The following ABCB1 variants were observed in gnomAD, a reference collection of about 807,000 sequenced individuals.
The protein encoded by ABCB1 is ATP-dependent translocase ABCB1.
ABCB1 carries 69 observed loss-of-function variants against 142.0 expected under a neutral mutation model. The observed-to-expected ratio is 0.49, with a 90% CI of 0.40 to 0.59. The LOEUF (loss-of-function observed/expected upper bound fraction) is 0.59, where lower values mean the gene tolerates loss of function less well. ABCB1 is among the 20% of genes least tolerant of loss of function. The probability of loss-of-function intolerance (pLI) is 0.00; values close to 1 mark genes in which losing one functional copy is unlikely to be tolerated. For synonymous variants in ABCB1, 532 were observed against 539.2 expected (o/e 0.99, Z 0.18); for missense variants, 1,326 against 1,554.7 (o/e 0.85, Z 2.47).
At chr7:87,569,700 G>T (rs895972852) in intron 5 of ABCB1, among the ~76,000 whole-genome samples, 2 of 151,854 alleles carry the variant, frequency 1.3e-5, no homozygotes, top group Non-Finnish European at 2.9e-5. Flanking sequence ...TTGTGGGGGG[G>T]TGTGGGGGAC....
intron 1 of ABCB1, among the ~76,000 whole-genome samples, chr7:87,648,445 G>A (rs1584997272): frequency 1.3e-5 from 2 of 151,978 alleles, no homozygotes; most frequent in East Asian, 3.9e-4. Flanking sequence ...ACATTAAAGG[G>A]CTTCTCAGAG....
chr7:87,702,477 T>C (rs1213757113), intron 1 of ABCB1, among the ~76,000 whole-genome samples: 1 of 151,990 alleles, frequency 6.6e-6, no homozygotes, highest in Non-Finnish European at 1.5e-5. Flanking sequence ...ATAATATCTC[T>C]CTTTGTTGCC....
At chr7:87,587,748 G>T (rs960501088) in intron 3 of ABCB1, among the ~76,000 whole-genome samples, 1 of 151,816 alleles carries the variant, frequency 6.6e-6, no homozygotes, top group African/African-American at 2.4e-5. Flanking sequence ...GGTGGCAGGC[G>T]CCTGTAATCC....
chr7:87,598,700 A>G (rs1171450415), intron 2 of ABCB1, among the ~76,000 whole-genome samples: 1 of 152,182 alleles, frequency 6.6e-6, no homozygotes. Context: ...TTAAGCATTC[A>G]GCAGTAGCAT....
chr7:87,692,433 G>C lies in ABCB1; in HGVS notation c.-331+20728C>G, dbSNP rs376596376. On this transcript the variant is annotated intron_variant, in intron 1 of 28. Transcript: ENST00000265724. ...GAATGCATCACTGAGCTCCAGCCAG[G>C]GTGACAAAGTGAGAACCTGTCTCTT... Among the ~76,000 whole-genome samples the C allele has an allele frequency of 1.2e-4, 19 of 152,158 alleles. No homozygotes were observed. The East Asian group carries it at 2.9e-3, about 23-fold the overall frequency.
intron 1 of ABCB1, among the ~76,000 whole-genome samples, chr7:87,661,517 G>A (rs1157034446): frequency 6.6e-6 from 1 of 151,564 alleles, no homozygotes; most frequent in Non-Finnish European, 1.5e-5. Flanking sequence ...GAAAATGAGC[G>A]AAGTTTGTCT....
At chr7:87,566,290 A>C in intron 6 of ABCB1, 49 bp from the exon 7 acceptor site, 1 of 1,583,042 alleles carries the variant, frequency 6.3e-7, no homozygotes, top group Non-Finnish European at 8.7e-7. Context: ...TGTAAACATC[A>C]ACTTTTCTCG....
rs1319884327 is a variant in ABCB1 at position 87,541,467 on chromosome 7, G to A, written c.2212-3C>T. 3 of 1,578,064 alleles carry A rather than the reference G, an allele frequency of 1.9e-6. No homozygotes were observed. The Admixed American group carries it at 5.0e-5, about 26-fold the overall frequency. ...GGATCATCAATTCTTGTAAAAACCT[G>A]TGAGAAAACATTTAAAGGATTTTTA... is the stretch of plus-strand genomic sequence containing the variant. On this transcript the variant is annotated splice_region_variant and splice_polypyrimidine_tract_variant and intron_variant, in intron 17 of 27. Transcript: ENST00000622132.
chr7:87,699,556 C>T (rs2011164), intron 1 of ABCB1, among the ~76,000 whole-genome samples: 1 of 152,134 alleles, frequency 6.6e-6, no homozygotes, highest in East Asian at 1.9e-4. Context: ...TGGGCATACA[C>T]CACCATGCCC....
chr7:87,527,428 C>G (rs746608615), intron 21 of ABCB1, among the ~76,000 whole-genome samples: 17 of 152,058 alleles, frequency 1.1e-4, no homozygotes, highest in African/African-American at 2.2e-4. Flanking sequence ...GTTTTGTTTT[C>G]TTTTACAATG....
chr7:87,636,054 T>C (rs1339095266), intron 1 of ABCB1, among the ~76,000 whole-genome samples: 1 of 152,218 alleles, frequency 6.6e-6, no homozygotes, highest in African/African-American at 2.4e-5. Flanking sequence ...TTCATTCATA[T>C]TTATTTTTGT....
chr7:87,708,146 A>G (rs1163707749), intron 1 of ABCB1, among the ~76,000 whole-genome samples: 2 of 152,158 alleles, frequency 1.3e-5, no homozygotes, highest in Non-Finnish European at 2.9e-5. Context: ...AAGGAAAGAA[A>G]TAACAGTAAA....
intron 1 of ABCB1, chr7:87,694,133 G>A: frequency 1.5e-6 from 1 of 646,210 alleles, no homozygotes; most frequent in Non-Finnish European, 1.9e-6. Context: ...GCACAAGTAT[G>A]CTTATGCTAA....
chr7:87,696,190 C>A (rs937924622), intron 1 of ABCB1, among the ~76,000 whole-genome samples: 1 of 152,116 alleles, frequency 6.6e-6, no homozygotes, highest in Non-Finnish European at 1.5e-5. Context: ...CTGTTAATGA[C>A]AGCATATCTC....
At chr7:87,689,938 A>T (rs1056655800) in intron 1 of ABCB1, among the ~76,000 whole-genome samples, 1 of 152,172 alleles carries the variant, frequency 6.6e-6, no homozygotes, top group African/African-American at 2.4e-5. Context: ...TGTTTGCACT[A>T]TATTTTTACT....
intron 3 of ABCB1, among the ~76,000 whole-genome samples, chr7:87,590,816 G>A (rs1160596415): frequency 6.6e-6 from 1 of 152,168 alleles, no homozygotes; most frequent in Non-Finnish European, 1.5e-5. Flanking sequence ...AGCATTTAAT[G>A]GTTTTAAGGT....
In ABCB1 at chr7:87,570,057, A is replaced by G. The variant is rs2235017; in HGVS notation, c.338+115T>C. The G allele has an allele frequency of 5.8e-3, 5,337 of 923,374 alleles. 23 individuals carry two copies. The highest frequency in any genetic ancestry group is 7.8e-3 in the Non-Finnish European group (4,429 of 571,168). The allele number at this position is 923,374 out of a possible 1,614,324, so 57.2% of individuals were successfully genotyped here. A position where few individuals can be genotyped will look rare whatever the true frequency, so the allele number is the denominator to read the frequency against. On this transcript the variant is annotated intron_variant, in intron 5 of 27. Coordinates refer to ENST00000622132, the MANE Select transcript of ABCB1 (RefSeq NM_001348946.2). ...GTCTACATATACTCTTCTAAAAACT[A>G]TCAAGAGTATTGTTCTCCTTAAAAT...
intron 1 of ABCB1, among the ~76,000 whole-genome samples, chr7:87,689,558 TATTA>T (rs1411791379): frequency 2.0e-5 from 3 of 152,184 alleles, no homozygotes; most frequent in Non-Finnish European, 2.9e-5. Flanking sequence ...ATTAGCTAAT[TATTA>T]ATTAGCTAAT....
Position 87,544,129 on chromosome 7 carries a change from C to T in ABCB1, c.2211G>A (p.Gly737=), listed in dbSNP as rs201810761. 6.2e-7 allele frequency: 1 copy of T among 1,613,816 alleles called. No individual in the cohort carries two copies. Among genetic ancestry groups the T allele is most frequent in the Admixed American group, 1.7e-5 (1 of 60,014 alleles). Residue 737 remains glycine (G), a splice_region_variant and synonymous_variant, in exon 17 of 28, where the codon GGG becomes GGA. Coordinates refer to ENST00000622132, the MANE Select transcript of ABCB1 (RefSeq NM_001348946.2). The part of the protein sequence containing the change: ...AFAIIFSKII[G]VFTRIDDPET... ...TCACACAAATGGGCATCACACTTAC[C>T]CCTATAATCTTTGAAAATATTATTG...
Sources: allele counts gnomAD v4.1 joint callset (sites outside exome capture counted in the v4.1 genomes callset), GRCh38; gene constraint gnomAD v4.1.1; transcripts MANE v1.5; gene names NCBI Gene and HGNC (gene_info 2026-07-23, HGNC 2026-07-21).